The following PLB1 variants were observed in gnomAD, a reference collection of about 807,000 sequenced individuals.
PLB1 encodes the protein phospholipase B1, also known as phospholipase B1, membrane-associated.
Under a neutral mutation model 227.4 loss-of-function variants are expected in PLB1, and 242 were observed. That is an observed-to-expected ratio of 1.06 (90% CI 0.96 to 1.18). PLB1 has a LOEUF of 1.18. Among genes scored for constraint, PLB1 ranks in the 50% most tolerant of loss-of-function variants. PLB1 has a pLI of 0.00. For synonymous variants in PLB1, 757 were observed against 682.2 expected (o/e 1.11, Z -1.71); for missense variants, 1,858 against 1,816.3 (o/e 1.02, Z -0.42).
intron 44 of PLB1, among the ~76,000 whole-genome samples, chr2:28,616,976 A>G (rs558761389): frequency 2.0e-5 from 3 of 152,286 alleles, no homozygotes; most frequent in South Asian, 4.1e-4. Context: ...GTATGCATAT[A>G]TTTGAGACTT....
intron 33 of PLB1, 89 bp from the exon 34 acceptor site, chr2:28,597,916 G>A: frequency 7.8e-7 from 1 of 1,283,228 alleles, no homozygotes; most frequent in Non-Finnish European, 1.1e-6. Flanking sequence ...GCACTAAGAA[G>A]GGTGGGGGCT....
intron 5 of PLB1, 123 bp downstream of exon 5, chr2:28,525,430 C>T: frequency 4.6e-6 from 5 of 1,077,858 alleles, no homozygotes; most frequent in Non-Finnish European, 6.8e-6. Context: ...CAAGGCTACC[C>T]TCTGAGAAGG....
intron 33 of PLB1, 107 bp downstream of exon 33, chr2:28,593,861 G>A: frequency 4.0e-6 from 4 of 1,004,146 alleles, no homozygotes; most frequent in Non-Finnish European, 6.2e-6. Flanking sequence ...ACTTGGTCTG[G>A]AAGGGGCTTT....
chr2:28,626,841 C>A (rs909004022), intron 51 of PLB1, among the ~76,000 whole-genome samples: 13 of 152,196 alleles, frequency 8.5e-5, no homozygotes, highest in Non-Finnish European at 1.9e-4. Context: ...ATCCTCACCC[C>A]ATCCCTGCCC....
intron 24 of PLB1, 127 bp downstream of exon 24, chr2:28,582,260 G>T (rs1046265398): frequency 1.6e-6 from 2 of 1,231,376 alleles, no homozygotes; most frequent in Admixed American, 1.9e-5. Context: ...AATGCATAGA[G>T]GGGGAGCAGG....
chr2:28,523,960 G>C (rs1403679899), intron 4 of PLB1, among the ~76,000 whole-genome samples: 1 of 152,176 alleles, frequency 6.6e-6, no homozygotes, highest in Non-Finnish European at 1.5e-5. Flanking sequence ...TCCCTGACTT[G>C]TATCTTAGTG....
At chr2:28,509,839 A>T (rs575692125) in intron 1 of PLB1, among the ~76,000 whole-genome samples, 2 of 152,194 alleles carry the variant, frequency 1.3e-5, no homozygotes, top group Admixed American at 1.3e-4. Context: ...CTTCCACAGC[A>T]CCTTGGGGTA....
In PLB1 at chr2:28,632,094, T is replaced by C; in HGVS notation, c.3956T>C (p.Val1319Ala). The C allele has an allele frequency of 1.2e-6, 2 of 1,614,140 alleles. No homozygotes were observed. Among genetic ancestry groups the C allele is most frequent in the Non-Finnish European group, 1.7e-6 (2 of 1,180,004 alleles). Residue 1319 changes from valine to alanine, a missense_variant, in exon 55 of 58, where the codon GTT becomes GCT. Coordinates refer to ENST00000327757, the MANE Select transcript of PLB1 (RefSeq NM_153021.5). ...TACACACAGCGTGAGGACTTTGCGGTTGTGGTGCAGCCTTTCTTCCAAAAC... is the reference window on the plus strand; with the variant it reads ...TACACACAGCGTGAGGACTTTGCGGCTGTGGTGCAGCCTTTCTTCCAAAAC... ...HQYTQREDFA[V>A]VVQPFFQNTL...
chr2:28,522,561 C>T (rs756088835), intron 4 of PLB1, among the ~76,000 whole-genome samples: 4 of 152,214 alleles, frequency 2.6e-5, no homozygotes, highest in Non-Finnish European at 5.9e-5. Flanking sequence ...ACACTTGCCA[C>T]AGGACTCTCG....
At chr2:28,518,420 T>C (rs1275502490) in intron 2 of PLB1, 46 bp from the exon 3 acceptor site, 6 of 1,434,760 alleles carry the variant, frequency 4.2e-6, no homozygotes, top group Non-Finnish European at 5.9e-6. Flanking sequence ...CTGCAATATT[T>C]CTATACAAGG....
At chr2:28,591,062 C>A (rs199673564) in intron 29 of PLB1, 71 bp from the exon 30 acceptor site, 403 of 1,592,682 alleles carry the variant, frequency 2.5e-4, no homozygotes, top group Non-Finnish European at 3.1e-4. Context: ...CAGGCCGACA[C>A]TTAACTGAGT....
At chr2:28,553,900 T>C (rs1674616515) in intron 17 of PLB1, among the ~76,000 whole-genome samples, 1 of 152,164 alleles carries the variant, frequency 6.6e-6, no homozygotes, top group Non-Finnish European at 1.5e-5. Flanking sequence ...ATGCAAATCT[T>C]TGTAGTCAGA....
intron 56 of PLB1, among the ~76,000 whole-genome samples, chr2:28,639,219 A>G (rs1689713633): frequency 1.3e-5 from 2 of 152,138 alleles, no homozygotes; most frequent in South Asian, 4.1e-4. Flanking sequence ...GTGGAGGTAG[A>G]TGGGAAATGA....
chr2:28,636,057 G>A (rs200857029), intron 56 of PLB1, among the ~76,000 whole-genome samples: 6 of 109,336 alleles, frequency 5.5e-5, no homozygotes, highest in South Asian at 6.5e-4. Flanking sequence ...ATGTGTATGT[G>A]TGTATGTATG....
At chr2:28,573,566 T>C (rs1678383483) in intron 21 of PLB1, among the ~76,000 whole-genome samples, 1 of 152,196 alleles carries the variant, frequency 6.6e-6, no homozygotes, top group Non-Finnish European at 1.5e-5. Context: ...TGTCTGTAAA[T>C]CTCACTTAAG....
At chr2:28,543,483 G>A (rs566121883) in intron 14 of PLB1, among the ~76,000 whole-genome samples, 8 of 152,368 alleles carry the variant, frequency 5.3e-5, no homozygotes, top group Non-Finnish European at 1.0e-4. Context: ...CCAGGCCAGT[G>A]AGCAGCAAAG....
chr2:28,589,476 T>C lies in PLB1; in HGVS notation c.1842T>C (p.Ser614=). Residue 614 remains serine, a synonymous_variant, in exon 27 of 58, where the codon AGT becomes AGC. Transcript: ENST00000327757. ...AGAAGACCCACCAACTGATTGAGAGTGGGCGATATGACACAAGGGAAGATT... is the reference window on the plus strand; with the variant it reads ...AGAAGACCCACCAACTGATTGAGAGCGGGCGATATGACACAAGGGAAGATT... ...FQEKTHQLIE[S]GRYDTREDFT... The C allele has an allele frequency of 6.2e-7, 1 of 1,614,024 alleles. No individual in the cohort carries two copies. The highest frequency in any genetic ancestry group is 8.5e-7 in the Non-Finnish European group (1 of 1,180,004).
Position 28,525,274 on chromosome 2 carries a change from A to C in PLB1, c.251A>C (p.Asp84Ala), listed in dbSNP as rs942899357. ...ATTGAGTATCTATTCCAGCCTCCAG[A>C]CCCAGGGACGGGCGATCTGGAGAAG... ...AAIGNLEIPP[D>A]PGTGDLEKQD... The change falls in exon 5 of 58, where the codon GAC becomes GCC. Residue 84 changes from aspartate to alanine, a missense_variant. Transcript: ENST00000327757. The C allele has an allele frequency of 1.4e-5, 23 of 1,613,386 alleles. No homozygotes were observed. The highest frequency in any genetic ancestry group is 2.7e-5 in the African/African-American group (2 of 74,862).
intron 6 of PLB1, among the ~76,000 whole-genome samples, chr2:28,528,804 G>T (rs896294189): frequency 3.9e-5 from 6 of 152,140 alleles, no homozygotes; most frequent in Non-Finnish European, 2.9e-5. Flanking sequence ...ACTTCCAGAG[G>T]CCTGCTCCAG....
Sources: gnomAD v4.1 joint callset for allele counts (sites outside exome capture counted in the v4.1 genomes callset) on GRCh38, gnomAD v4.1.1 for gene constraint, MANE v1.5 for transcripts, NCBI Gene and HGNC (gene_info 2026-07-23, HGNC 2026-07-21) for gene names.